Variants in DHRS11 observed in about 807,000 individuals in gnomAD.
DHRS11 encodes the protein dehydrogenase/reductase SDR family member 11.
A neutral mutation model predicts 30.7 loss-of-function variants in DHRS11; 18 were observed. That is an observed-to-expected ratio of 0.59 (90% CI 0.41 to 0.87). The LOEUF is 0.87. Among genes scored for constraint, DHRS11 ranks in the 40% least tolerant of loss-of-function variants. DHRS11 has a pLI of 0.00. For missense variants in DHRS11, 300 were observed against 349.0 expected (o/e 0.86, Z 1.12); for synonymous variants, 123 against 139.6 (o/e 0.88, Z 0.84).
chr17:36,598,010 CAA>C, intron 2 of DHRS11, 151 bp from the exon 3 acceptor site: 2 of 748,310 alleles, frequency 2.7e-6, no homozygotes, highest in Admixed American at 4.4e-5. Context: ...GTGTAGAAGA[CAA>C]GATGCTCTGT....
chr17:36,595,942 C>T (rs749109678), intron 2 of DHRS11, among the ~76,000 whole-genome samples: 1 of 152,150 alleles, frequency 6.6e-6, no homozygotes, highest in Non-Finnish European at 1.5e-5. Flanking sequence ...TGGTTACCTT[C>T]CTTGAGCTTC....
At position 36,600,107 on chromosome 17, in the gene DHRS11, C is replaced by T. The variant is rs2142824867; in HGVS notation, c.742-55C>T. On this transcript the variant is annotated intron_variant, in intron 6 of 6. Coordinates refer to ENST00000618403, the MANE Select transcript of DHRS11 (RefSeq NM_024308.4). ...GCCCCAGAGGAGGGGAGCAGGGAGC[C>T]CTGCAGGGCCAGGGGAGAGTGTCAC... The T allele has an allele frequency of 3.1e-6, 5 of 1,614,024 alleles. No individual in the cohort carries two copies. In the East Asian group the frequency reaches 1.1e-4, roughly 36 times the overall value.
At position 36,599,612 on chromosome 17, in the gene DHRS11, C is replaced by T. The variant is rs1009542270; in HGVS notation, c.583-59C>T. 13 of 1,575,192 alleles carry T rather than the reference C, an allele frequency of 8.3e-6. No individual in the cohort carries two copies. The South Asian group carries it at 8.9e-5, about 11-fold the overall frequency. ...TTCTGTGGCCTCCATCCTCTCCCCT[C>T]GACCTCCCCAAGACCTGGCAAAGCT... On this transcript the variant is annotated intron_variant, in intron 4 of 6. Coordinates refer to ENST00000618403, the MANE Select transcript of DHRS11 (RefSeq NM_024308.4).
chr17:36,592,203 C>A lies in DHRS11; in HGVS notation c.147+47C>A, dbSNP rs766145709. 3.2e-5 allele frequency: 40 copies of A among 1,245,476 alleles called. 2 individuals carry two copies. The South Asian group carries it at 9.3e-4, about 29-fold the overall frequency. 77.2% of individuals were successfully genotyped at this position (1,245,476 alleles called of 1,614,324 possible). A position where few individuals can be genotyped will look rare whatever the true frequency, so the allele number is the denominator to read the frequency against. Reference sequence around the variant, plus strand: ...GGACGTCGCGGGCGGGTCGTTTCCCCGGAGTCGGGTTCACCTGCCCGCCAC... The same window carrying A: ...GGACGTCGCGGGCGGGTCGTTTCCCAGGAGTCGGGTTCACCTGCCCGCCAC... On this transcript the variant is annotated intron_variant, in intron 1 of 6. Coordinates refer to ENST00000618403, the MANE Select transcript of DHRS11 (RefSeq NM_024308.4). The surrounding 1 kb of genome is among the most constrained non-coding windows in gnomAD (Gnocchi z 4.4).
intron 6 of DHRS11, 41 bp from the exon 7 acceptor site, chr17:36,600,121 G>A (rs953072064): frequency 3.7e-6 from 6 of 1,613,708 alleles, no homozygotes; most frequent in Non-Finnish European, 4.2e-6. Context: ...CAGGGCCAGG[G>A]GAGAGTGTCA....
chr17:36,599,603 C>G (rs2074839398), intron 4 of DHRS11, 68 bp from the exon 5 acceptor site: 1 of 1,534,436 alleles, frequency 6.5e-7, no homozygotes, highest in South Asian at 1.1e-5. Context: ...GGCCTCCATC[C>G]TCTCCCCTCG....
chr17:36,592,281 C>T lies in DHRS11; in HGVS notation c.147+125C>T. ...GGCCTCTCGGATCCCTTAAGGCAGGCTTCTCCCTTCCCCTTAAGTCTCATC... is the reference window on the plus strand; with the variant it reads ...GGCCTCTCGGATCCCTTAAGGCAGGTTTCTCCCTTCCCCTTAAGTCTCATC... On this transcript the variant is annotated intron_variant, in intron 1 of 6. Transcript: ENST00000618403. The surrounding 1 kb of genome is among the most constrained non-coding windows in gnomAD (Gnocchi z 4.4). 8.8e-7 allele frequency: 1 copy of T among 1,133,048 alleles called. No individual in the cohort carries two copies. The highest frequency in any genetic ancestry group is 1.1e-6 in the Non-Finnish European group (1 of 899,586). The allele number at this position is 1,133,048 out of a possible 1,614,324, so 70.2% of individuals were successfully genotyped here.
chr17:36,596,509 C>G (rs1387914697), intron 2 of DHRS11: 3 of 199,534 alleles, frequency 1.5e-5, no homozygotes, highest in Admixed American at 5.6e-5. Flanking sequence ...TTATGTGACA[C>G]CCCCCCACTC....
chr17:36,592,026 T>TGGAGCGGTGGCG lies in DHRS11; in HGVS notation c.18_29dup (p.Glu7_Arg10dup). On this transcript the variant is annotated inframe_insertion, in exon 1 of 7. Coordinates refer to ENST00000618403, the MANE Select transcript of DHRS11 (RefSeq NM_024308.4). This position sits in a 1 kb window ranked among gnomAD's most constrained non-coding sequence, Gnocchi z 4.4. The stretch of plus-strand genomic sequence containing the variant: ...CGTGGGCCCATGGCCAGGCCCGGCA[T>TGGAGCGGTGGCG]GGAGCGGTGGCGCGACCGGCTGGCG... The TGGAGCGGTGGCG allele has an allele frequency of 8.1e-7, 1 of 1,230,078 alleles. No individual in the cohort carries two copies. Among genetic ancestry groups the TGGAGCGGTGGCG allele is most frequent in the Non-Finnish European group, 1.0e-6 (1 of 986,460 alleles). 76.2% of individuals were successfully genotyped at this position (1,230,078 alleles called of 1,614,324 possible).
At chr17:36,598,793 G>A in intron 3 of DHRS11, 128 bp from the exon 4 acceptor site, 1 of 1,263,442 alleles carries the variant, frequency 7.9e-7, no homozygotes, top group Non-Finnish European at 1.1e-6. Flanking sequence ...AGGATGGCCA[G>A]TAGAGGTCCC....
At chr17:36,593,092 C>T (rs2074781537) in intron 1 of DHRS11, among the ~76,000 whole-genome samples, 1 of 152,144 alleles carries the variant, frequency 6.6e-6, no homozygotes, top group African/African-American at 2.4e-5. Flanking sequence ...TCCCTTTATC[C>T]TATTCTGAGG....
intron 2 of DHRS11, 121 bp from the exon 3 acceptor site, chr17:36,598,042 G>T: frequency 1.0e-6 from 1 of 979,134 alleles, no homozygotes. Flanking sequence ...TGGTCTCCGG[G>T]GGGACCTGGA....
rs1337508569 is a variant in DHRS11 at position 36,600,580 on chromosome 17, C to T, written c.*377C>T. On this transcript the variant is annotated 3_prime_UTR_variant, in exon 7 of 7. Transcript: ENST00000618403. ...CTGGGGTGGCAGAGGGAGGCCTTCA[C>T]CTTATATCTGTGTTGTTATCCAGGG... 2.6e-6 allele frequency: 1 copy of T among 381,858 alleles called. No homozygotes were observed. Among genetic ancestry groups the T allele is most frequent in the African/African-American group, 2.1e-5 (1 of 48,358 alleles). The allele number at this position is 381,858 out of a possible 1,614,324, so 23.7% of individuals were successfully genotyped here.
rs1273352419 is a variant in DHRS11 at position 36,592,469 on chromosome 17, G to A, written c.147+313G>A. 1.3e-5 allele frequency among the ~76,000 whole-genome samples: 2 copies of A among 152,194 alleles called. No homozygotes were observed. The highest frequency in any genetic ancestry group is 4.8e-5 in the African/African-American group (2 of 41,444). Reference sequence around the variant, plus strand: ...TCGCCCCTGTGGCCTTCTCGCCCCCGGCGGCCAAGTGCCTCTAATCTCCAG... The same window carrying A: ...TCGCCCCTGTGGCCTTCTCGCCCCCAGCGGCCAAGTGCCTCTAATCTCCAG... On this transcript the variant is annotated intron_variant, in intron 1 of 6. Transcript: ENST00000618403. This position sits in a 1 kb window ranked among gnomAD's most constrained non-coding sequence, Gnocchi z 4.4.
intron 4 of DHRS11, 137 bp from the exon 5 acceptor site, chr17:36,599,534 G>A (rs1400405768): frequency 1.9e-5 from 15 of 789,626 alleles, no homozygotes; most frequent in African/African-American, 3.5e-5. Flanking sequence ...TGGCAGCTTC[G>A]GAGGGAGGAG....
intron 3 of DHRS11, 137 bp downstream of exon 3, chr17:36,598,394 G>C: frequency 1.2e-6 from 1 of 806,800 alleles, no homozygotes; most frequent in Non-Finnish European, 2.0e-6. Flanking sequence ...ATTATGGTGA[G>C]GGAAAGAATA....
Position 36,599,680 on chromosome 17 carries a change from C to G in DHRS11, c.592C>G (p.Pro198Ala), listed in dbSNP as rs1289218241. Residue 198 changes from proline (P) to alanine (A), a missense_variant, in exon 5 of 7, where the codon CCA becomes GCA. By Grantham distance (27) the Pro-to-Ala change is conservative. Coordinates refer to ENST00000618403, the MANE Select transcript of DHRS11 (RefSeq NM_024308.4). ...CTCTCTGTTGGCCCAGTGCATCTCT[C>G]CAGGTGTGGTGGAGACACAATTCGC... ...QTHIRATCISPGVVETQFAFK... is the reference protein window; with the variant it reads ...QTHIRATCISAGVVETQFAFK... The G allele has an allele frequency of 1.9e-6, 3 of 1,614,050 alleles. No individual in the cohort carries two copies. The Admixed American group carries it at 5.0e-5, about 27-fold the overall frequency.
In DHRS11 at chr17:36,599,686, G is replaced by A. The variant is rs1206929861; in HGVS notation, c.598G>A (p.Val200Met). The A allele has an allele frequency of 3.1e-6, 5 of 1,614,200 alleles. No individual in the cohort carries two copies. The highest frequency in any genetic ancestry group is 2.2e-5 in the South Asian group (2 of 91,084). ...GTTGGCCCAGTGCATCTCTCCAGGT[G>A]TGGTGGAGACACAATTCGCCTTCAA... ...HIRATCISPG[V>M]VETQFAFKLH... Residue 200 changes from valine (V) to methionine (M), a missense_variant, in exon 5 of 7, where the codon GTG becomes ATG. Physicochemically the swap from Val to Met is conservative, Grantham distance 21 (BLOSUM62 1). Transcript: ENST00000618403.
chr17:36,594,486 T>G (rs1386345459), intron 1 of DHRS11: 1 of 181,068 alleles, frequency 5.5e-6, no homozygotes, highest in Non-Finnish European at 1.2e-5. Context: ...CAGGCTGGAG[T>G]GCAGTGGCGT....
Sources: allele counts gnomAD v4.1 joint callset (sites outside exome capture counted in the v4.1 genomes callset), GRCh38; gene constraint gnomAD v4.1.1; non-coding constraint Gnocchi (gnomAD v3.1); transcripts MANE v1.5; gene names NCBI Gene and HGNC (gene_info 2026-07-23, HGNC 2026-07-21).